The following PSEN2 variants were observed in gnomAD, a reference collection of about 807,000 sequenced individuals.
PSEN2 encodes the protein presenilin 2.
In PSEN2, 32 loss-of-function variants were observed where a neutral mutation model predicts 49.1. That is an observed-to-expected ratio of 0.65 (90% CI 0.49 to 0.88). PSEN2 has a LOEUF of 0.88. Among genes scored for constraint, PSEN2 ranks in the 40% least tolerant of loss-of-function variants. PSEN2 has a pLI of 0.00. For missense variants in PSEN2, 522 were observed against 586.9 expected (o/e 0.89, Z 1.14); for synonymous variants, 255 against 244.0 (o/e 1.05, Z -0.42).
At chr1:226,897,698 T>C (rs1662198656), downstream of PSEN2, 2 of 155,470 alleles carry the variant, frequency 1.3e-5, no homozygotes, top group African/African-American at 2.4e-5. Flanking sequence ...CGTCAACTAA[T>C]ATCTTTCCAT....
intron 4 of PSEN2, among the ~76,000 whole-genome samples, chr1:226,882,677 C>T (rs1295640): frequency 0.49 from 73,757 of 151,910 alleles, 18,308 homozygotes; most frequent in Middle Eastern, 0.65. Flanking sequence ...GGACTGTTTT[C>T]TTGCAGCCAG....
chr1:226,880,205 A>C (rs1157881824), intron 3 of PSEN2, among the ~76,000 whole-genome samples: 1 of 152,212 alleles, frequency 6.6e-6, no homozygotes, highest in East Asian at 1.9e-4. Flanking sequence ...TGAGACCCTC[A>C]TTTCTACAAA....
At chr1:226,896,669 C>T (rs142457152), downstream of PSEN2, among the ~76,000 whole-genome samples, 23 of 151,982 alleles carry the variant, frequency 1.5e-4, no homozygotes, top group Admixed American at 3.9e-4. Flanking sequence ...TGAGACCAGC[C>T]GGGGCAACAT....
At chr1:226,871,198 C>T (rs930854855) in intron 1 of PSEN2, 64 bp from the exon 2 acceptor site, 2 of 152,296 alleles carry the variant, frequency 1.3e-5, no homozygotes, top group Non-Finnish European at 2.9e-5. Flanking sequence ...ACGTGAGGGG[C>T]AGGGCCGCAG....
In PSEN2 at chr1:226,887,789, A is replaced by G. The variant is rs180765094; in HGVS notation, c.499-302A>G. On this transcript the variant is annotated intron_variant, in intron 6 of 12. Transcript: ENST00000366783. ...TCCAGAGCCTAGAACAGTGCCTGGC[A>G]AGTAGGAGACACCCAGCATTACCTT... Among the ~76,000 whole-genome samples the G allele has an allele frequency of 4.5e-3, 684 of 152,250 alleles. 4 individuals are homozygous for G. Among genetic ancestry groups the G allele is most frequent in the Non-Finnish European group, 7.1e-3 (482 of 68,010 alleles).
In PSEN2 at chr1:226,895,936, G is replaced by C; in HGVS notation, c.*357G>C. 2.6e-6 allele frequency: 1 copy of C among 391,124 alleles called. No individual in the cohort carries two copies. Among genetic ancestry groups the C allele is most frequent in the Non-Finnish European group, 4.8e-6 (1 of 209,038 alleles). 24.2% of individuals were successfully genotyped at this position (391,124 alleles called of 1,614,324 possible). ...CTGGCACCTGGGTGCTCTGGCTGGA[G>C]AGGAAAAGCCAGTTCCCTACGAGGA... On this transcript the variant is annotated 3_prime_UTR_variant, in exon 13 of 13. Transcript: ENST00000366783.
intron 9 of PSEN2, 92 bp from the exon 10 acceptor site, chr1:226,891,186 C>G: frequency 9.0e-7 from 1 of 1,105,172 alleles, no homozygotes; most frequent in Admixed American, 1.9e-5. Flanking sequence ...CCTGTGCAGG[C>G]TTTCTGGGAC....
downstream of PSEN2, among the ~76,000 whole-genome samples, chr1:226,896,628 G>A (rs577338435): frequency 1.4e-4 from 22 of 152,170 alleles, no homozygotes; most frequent in African/African-American, 2.9e-4. Context: ...TCGGGAGGTC[G>A]AGTCGGAAGG....
intron 2 of PSEN2, among the ~76,000 whole-genome samples, chr1:226,872,022 G>C (rs949834952): frequency 2.6e-5 from 4 of 152,230 alleles, no homozygotes; most frequent in Admixed American, 6.5e-5. Flanking sequence ...GTACCCTTTG[G>C]TGTTGAAGTG....
chr1:226,899,447 C>T (rs1192777066), downstream of PSEN2: 9 of 152,152 alleles, frequency 5.9e-5, 1 homozygote, highest in South Asian at 6.2e-4. Context: ...CTTGCTCTCT[C>T]GCAGGCCAAT....
chr1:226,886,506 C>G (rs1287449719), intron 6 of PSEN2, among the ~76,000 whole-genome samples: 3 of 152,200 alleles, frequency 2.0e-5, no homozygotes, highest in African/African-American at 7.2e-5. Context: ...ATGCCATAAG[C>G]TTTTAGACAG....
At chr1:226,892,669 C>T (rs1488198143) in intron 11 of PSEN2, among the ~76,000 whole-genome samples, 3 of 152,118 alleles carry the variant, frequency 2.0e-5, no homozygotes, top group Non-Finnish European at 4.4e-5. Flanking sequence ...AGCAGGTGCG[C>T]ACCCTCCAGG....
chr1:226,888,671 GT>G (rs1231031827), intron 7 of PSEN2, among the ~76,000 whole-genome samples, 157 bp from the exon 8 acceptor site: 1 of 152,212 alleles, frequency 6.6e-6, no homozygotes, highest in Non-Finnish European at 1.5e-5. Context: ...TCCCCACCTT[GT>G]TTTAGAAAAT....
At chr1:226,891,135 C>T (rs1416692491) in intron 9 of PSEN2, 143 bp from the exon 10 acceptor site, 2 of 713,582 alleles carry the variant, frequency 2.8e-6, no homozygotes, top group Non-Finnish European at 5.0e-6. Context: ...CAACGGCCTC[C>T]TAACAATGGA....
chr1:226,874,717 T>G (rs1183397433), intron 2 of PSEN2, among the ~76,000 whole-genome samples: 1 of 152,228 alleles, frequency 6.6e-6, no homozygotes, highest in East Asian at 1.9e-4. Context: ...AGGTTATCTC[T>G]AGGTTTTACG....
rs200427880 is a variant in PSEN2 at position 226,895,472 on chromosome 1, C to T, written c.1240C>T (p.Pro414Ser). The T allele has an allele frequency of 6.2e-7, 1 of 1,614,050 alleles. No individual in the cohort carries two copies. ...GCTTGCTGTGTTCAAGAAGGCGCTG[C>T]CCGCCCTCCCCATCTCCATCACGTT... ...LLLAVFKKAL[P>S]ALPISITFGL... Residue 414 changes from proline (P) to serine (S), a missense_variant, in exon 13 of 13, where the codon CCC (proline) becomes TCC (serine). Physicochemically the swap from Pro to Ser is moderately conservative, Grantham distance 74. Coordinates refer to ENST00000366783, the MANE Select transcript of PSEN2 (RefSeq NM_000447.3).
At chr1:226,887,944 A>G (rs1661474893) in intron 6 of PSEN2, 147 bp from the exon 7 acceptor site, 1 of 728,540 alleles carries the variant, frequency 1.4e-6, no homozygotes, top group Non-Finnish European at 2.5e-6. Context: ...CTTTATCTGT[A>G]AGGTGGCCAC....
At chr1:226,872,091 C>T (rs547245408) in intron 2 of PSEN2, among the ~76,000 whole-genome samples, 4 of 152,282 alleles carry the variant, frequency 2.6e-5, no homozygotes, top group Admixed American at 6.5e-5. Context: ...TGGCTTGTTC[C>T]TGTCTATTTG....
chr1:226,896,331 C>G (rs565813250), downstream of PSEN2, among the ~76,000 whole-genome samples: 1 of 152,382 alleles, frequency 6.6e-6, no homozygotes, highest in African/African-American at 2.4e-5. Context: ...GCTGTGGATG[C>G]TGAGCAGGTC....
Sources: allele counts gnomAD v4.1 joint callset (sites outside exome capture counted in the v4.1 genomes callset), GRCh38; gene constraint gnomAD v4.1.1; transcripts MANE v1.5; gene names NCBI Gene and HGNC (gene_info 2026-07-23, HGNC 2026-07-21).